Variants in C13orf42 observed in about 807,000 individuals in gnomAD.
C13orf42 encodes the protein chromosome 13 open reading frame 42, also known as uncharacterized protein C13orf42.
At chr13:51,111,923 T>C (rs1593538278), upstream of C13orf42, among the ~76,000 whole-genome samples, 1 of 152,202 alleles carries the variant, frequency 6.6e-6, no homozygotes. Flanking sequence ...AGCAGCCCAT[T>C]GTGGAGGCAG....
At chr13:51,086,134 G>A (rs1035669559) in intron 2 of C13orf42, among the ~76,000 whole-genome samples, 5 of 151,528 alleles carry the variant, frequency 3.3e-5, no homozygotes, top group Non-Finnish European at 5.9e-5. Flanking sequence ...GTGAAACCCC[G>A]TCTCTACTGA....
chr13:51,101,690 T>C (rs1172811943), intron 1 of C13orf42, among the ~76,000 whole-genome samples: 13 of 152,190 alleles, frequency 8.5e-5, no homozygotes. Flanking sequence ...ATAAATAAGA[T>C]ATAATGCCTC....
intron 1 of C13orf42, among the ~76,000 whole-genome samples, chr13:51,128,183 G>A (rs1861987293): frequency 6.6e-6 from 1 of 152,162 alleles, no homozygotes. Flanking sequence ...CATAAAAATG[G>A]GCAACTAGCA....
intron 1 of C13orf42, among the ~76,000 whole-genome samples, chr13:51,157,683 C>G (rs954625918): frequency 6.6e-6 from 1 of 152,160 alleles, no homozygotes; most frequent in African/African-American, 2.4e-5. Flanking sequence ...CACCCCTACA[C>G]ACGCTTGTAC....
intron 1 of C13orf42, among the ~76,000 whole-genome samples, chr13:51,109,092 G>T (rs1345951573): frequency 6.6e-6 from 1 of 152,212 alleles, no homozygotes; most frequent in Non-Finnish European, 1.5e-5. Context: ...CATCAGAGGT[G>T]GCTGGCCCAC....
chr13:51,151,053 C>T (rs1177093611), intron 1 of C13orf42, among the ~76,000 whole-genome samples: 1 of 152,222 alleles, frequency 6.6e-6, no homozygotes, highest in Non-Finnish European at 1.5e-5. Context: ...ACTCTATAGA[C>T]ACTAGTCAAA....
At chr13:51,114,305 C>T (rs1164902343), upstream of C13orf42, among the ~76,000 whole-genome samples, 1 of 152,170 alleles carries the variant, frequency 6.6e-6, no homozygotes, top group Non-Finnish European at 1.5e-5. Context: ...TCTCTCACCT[C>T]CAAAACTAGA....
chr13:51,120,442 T>C (rs1953525753), intron 1 of C13orf42, among the ~76,000 whole-genome samples: 1 of 152,246 alleles, frequency 6.6e-6, no homozygotes, highest in South Asian at 2.1e-4. Context: ...TGCTCCCTGC[T>C]GTATCCACAT....
At chr13:51,156,721 G>A (rs1375436180) in intron 1 of C13orf42, among the ~76,000 whole-genome samples, 1 of 152,206 alleles carries the variant, frequency 6.6e-6, no homozygotes, top group Admixed American at 6.5e-5. Flanking sequence ...ATAGGTACTT[G>A]ATCAGGGTAG....
chr13:51,143,262 A>G (rs1285510324), intron 1 of C13orf42, among the ~76,000 whole-genome samples: 1 of 152,182 alleles, frequency 6.6e-6, no homozygotes, highest in Non-Finnish European at 1.5e-5. Context: ...AAGCTATTCA[A>G]CTCCTCAAGA....
chr13:51,123,799 A>G (rs542771121), intron 1 of C13orf42, among the ~76,000 whole-genome samples: 1 of 152,338 alleles, frequency 6.6e-6, no homozygotes, highest in East Asian at 1.9e-4. Context: ...ACAGTGAAAG[A>G]TATCAGACTT....
intron 1 of C13orf42, among the ~76,000 whole-genome samples, chr13:51,109,039 C>G (rs575167679): frequency 6.6e-6 from 1 of 152,330 alleles, no homozygotes; most frequent in East Asian, 1.9e-4. Flanking sequence ...CCCAGAATAT[C>G]CAAGCTGGAA....
At chr13:51,162,092 AGTT>A in intron 1 of C13orf42, 1 of 334,980 alleles carries the variant, frequency 3.0e-6, no homozygotes, top group Admixed American at 3.3e-5. Context: ...GTATTTTGGA[AGTT>A]CGTGTGCATA....
At chr13:51,124,197 T>TA (rs779144738) in intron 1 of C13orf42, among the ~76,000 whole-genome samples, 3 of 152,144 alleles carry the variant, frequency 2.0e-5, no homozygotes, top group Non-Finnish European at 4.4e-5. Flanking sequence ...TTCGACTCCC[T>TA]ACAATTTCAT....
chr13:51,136,302 C>A (rs577788963), intron 1 of C13orf42, among the ~76,000 whole-genome samples: 6 of 152,268 alleles, frequency 3.9e-5, no homozygotes, highest in African/African-American at 1.4e-4. Context: ...AACCCACCCC[C>A]AAAATAAGAA....
At chr13:51,152,717 A>C (rs1593554096) in intron 1 of C13orf42, among the ~76,000 whole-genome samples, 2 of 152,162 alleles carry the variant, frequency 1.3e-5, no homozygotes, top group African/African-American at 4.8e-5. Context: ...TAACAGCTAA[A>C]TCTTCAAATC....
intron 1 of C13orf42, among the ~76,000 whole-genome samples, chr13:51,105,783 T>C (rs1953347093): frequency 6.6e-6 from 1 of 152,206 alleles, no homozygotes; most frequent in South Asian, 2.1e-4. Context: ...TGTATGCTCT[T>C]GAATCTTGTA....
chr13:51,131,123 G>GTT (rs1046696423), intron 1 of C13orf42, among the ~76,000 whole-genome samples: 1 of 152,096 alleles, frequency 6.6e-6, no homozygotes, highest in Non-Finnish European at 1.5e-5. Flanking sequence ...CCTTTGTTTT[G>GTT]TTTTTCAAAG....
chr13:51,150,799 T>C (rs1022960), intron 1 of C13orf42, among the ~76,000 whole-genome samples: 75,588 of 152,106 alleles, frequency 0.5, 19,219 homozygotes, highest in East Asian at 0.65. Context: ...CATTAGCACT[T>C]GCTGAGGTAA....
Sources: allele counts gnomAD v4.1 joint callset (sites outside exome capture counted in the v4.1 genomes callset), GRCh38; gene constraint gnomAD v4.1.1; transcripts MANE v1.5; gene names NCBI Gene and HGNC (gene_info 2026-07-23, HGNC 2026-07-21).